The following VTCN1 variants were observed in gnomAD, a reference collection of about 807,000 sequenced individuals.
VTCN1 encodes V-set domain-containing T-cell activation inhibitor 1.
A neutral mutation model predicts 26.5 loss-of-function variants in VTCN1; 26 were observed. The observed-to-expected ratio is 0.98, with a 90% confidence interval of 0.72 to 1.36. The LOEUF is 1.36. Among genes scored for constraint, VTCN1 ranks in the 40% most tolerant of loss-of-function variants. The pLI is 0.00. For missense variants in VTCN1, 298 were observed against 337.7 expected (o/e 0.88, Z 0.92); for synonymous variants, 116 against 130.7 (o/e 0.89, Z 0.77).
chr1:117,149,801 C>T (rs113375510), intron 4 of VTCN1, among the ~76,000 whole-genome samples: 1 of 152,166 alleles, frequency 6.6e-6, no homozygotes, highest in African/African-American at 2.4e-5. Flanking sequence ...ATATGTAAAT[C>T]CCATGGCCCT....
At chr1:117,151,476 T>C (rs926368478) in intron 4 of VTCN1, among the ~76,000 whole-genome samples, 1 of 152,174 alleles carries the variant, frequency 6.6e-6, no homozygotes. Context: ...ACCGGGTTGC[T>C]GCTGCTGGCT....
rs1302314765 is a variant in VTCN1 at position 117,146,745 on chromosome 1, T to G, written c.*45+868A>C. On this transcript the variant is annotated intron_variant, in intron 5 of 5. Transcript: ENST00000369458. The surrounding 1 kb of genome is among the most constrained non-coding windows in gnomAD (Gnocchi z 4.2). ...TGTGACTTTGACTTCGATATAGTTA[T>G]GCCCAGAGAGTCACTTTAGGCTCTG... 6.6e-6 allele frequency among the ~76,000 whole-genome samples: 1 copy of G among 152,164 alleles called. No homozygotes were observed. Among genetic ancestry groups the G allele is most frequent in the Admixed American group, 6.5e-5 (1 of 15,272 alleles).
intron 1 of VTCN1, among the ~76,000 whole-genome samples, chr1:117,203,365 A>G (rs1329879376): frequency 6.6e-6 from 1 of 152,148 alleles, no homozygotes; most frequent in African/African-American, 2.4e-5. Flanking sequence ...GAGCTACAAG[A>G]GACAATTCCT....
At chr1:117,196,408 A>G (rs1397974504) in intron 1 of VTCN1, among the ~76,000 whole-genome samples, 1 of 149,262 alleles carries the variant, frequency 6.7e-6, no homozygotes, top group African/African-American at 2.5e-5. Flanking sequence ...ATATATAGAG[A>G]GAGAGAGAGA....
intron 4 of VTCN1, among the ~76,000 whole-genome samples, chr1:117,151,317 T>C (rs1017556589): frequency 2.6e-5 from 4 of 152,102 alleles, no homozygotes; most frequent in Admixed American, 6.6e-5. Flanking sequence ...AGTGGGTTTG[T>C]GGTCTCACTG....
Position 117,147,185 on chromosome 1 carries a change from G to T in VTCN1, c.*45+428C>A, listed in dbSNP as rs1273362338. Among the ~76,000 whole-genome samples, 2 of 152,142 alleles carry T rather than the reference G, an allele frequency of 1.3e-5. No homozygotes were observed. Among genetic ancestry groups the T allele is most frequent in the Non-Finnish European group, 1.5e-5 (1 of 68,022 alleles). ...AGTGAGAAGGAAATCTCAGCAGGAG[G>T]GCTAGTTGGTGAGTCATCTGCCAAC... On this transcript the variant is annotated intron_variant, in intron 5 of 5. Transcript: ENST00000369458. The surrounding 1 kb of genome is among the most constrained non-coding windows in gnomAD (Gnocchi z 4.6).
At chr1:117,189,359 A>C (rs1300919618) in intron 1 of VTCN1, among the ~76,000 whole-genome samples, 1 of 152,070 alleles carries the variant, frequency 6.6e-6, no homozygotes, top group African/African-American at 2.4e-5. Flanking sequence ...CGTAATTGTG[A>C]GTTGGAGAAT....
Position 117,209,489 on chromosome 1 carries a change from C to T in VTCN1, c.32+1335G>A, listed in dbSNP as rs148815260. The stretch of plus-strand genomic sequence containing the variant: ...ATGCACAGTTTCACAGTCATCTGGC[C>T]TTAACTTCTCTGAGGTGATAACGAG... On this transcript the variant is annotated intron_variant, in intron 1 of 5. Transcript: ENST00000369458. 2.2e-3 allele frequency among the ~76,000 whole-genome samples: 331 copies of T among 152,286 alleles called. 5 individuals are homozygous for T. Among genetic ancestry groups the T allele is most frequent in the African/African-American group, 7.7e-3 (322 of 41,552 alleles).
intron 1 of VTCN1, among the ~76,000 whole-genome samples, chr1:117,171,079 C>T (rs1652892609): frequency 6.6e-6 from 1 of 151,874 alleles, no homozygotes; most frequent in African/African-American, 2.4e-5. Flanking sequence ...GTTCAACTCC[C>T]ACTTATGAGT....
intron 1 of VTCN1, among the ~76,000 whole-genome samples, chr1:117,181,435 C>T (rs935402604): frequency 1.3e-5 from 2 of 152,202 alleles, no homozygotes; most frequent in Non-Finnish European, 2.9e-5. Flanking sequence ...ATTTTTCTAA[C>T]CCTTCTCCCT....
intron 1 of VTCN1, among the ~76,000 whole-genome samples, chr1:117,193,526 G>T (rs1648353231): frequency 6.6e-6 from 1 of 151,916 alleles, no homozygotes; most frequent in Non-Finnish European, 1.5e-5. Flanking sequence ...AATGACAAAG[G>T]GGTCAATTCA....
chr1:117,170,017 C>T (rs1652819405), intron 2 of VTCN1, 90 bp downstream of exon 2: 3 of 1,270,982 alleles, frequency 2.4e-6, no homozygotes, highest in Non-Finnish European at 3.4e-6. Flanking sequence ...TGGGTCAAAG[C>T]TCTGGGCTCT....
At chr1:117,151,660 G>A (rs1451820089) in intron 4 of VTCN1, among the ~76,000 whole-genome samples, 4 of 151,878 alleles carry the variant, frequency 2.6e-5, no homozygotes, top group African/African-American at 9.7e-5. Context: ...TGGTGCATTT[G>A]CAATCCTCTA....
chr1:117,163,152 A>T (rs1250485444), intron 2 of VTCN1, among the ~76,000 whole-genome samples: 1 of 152,212 alleles, frequency 6.6e-6, no homozygotes, highest in East Asian at 1.9e-4. Flanking sequence ...TGCTTCCGTG[A>T]GAAGAAATTT....
chr1:117,166,278 T>C (rs1652603929), intron 2 of VTCN1, among the ~76,000 whole-genome samples: 1 of 152,174 alleles, frequency 6.6e-6, no homozygotes, highest in Non-Finnish European at 1.5e-5. Context: ...AAATTCTTGC[T>C]AGGAGAGTCA....
intron 2 of VTCN1, among the ~76,000 whole-genome samples, chr1:117,160,615 C>A (rs1247752156): frequency 1.3e-5 from 2 of 152,220 alleles, no homozygotes; most frequent in South Asian, 4.1e-4. Flanking sequence ...GTCTTTGCAG[C>A]CTTCTCTCCA....
chr1:117,172,168 C>T (rs766666821), intron 1 of VTCN1, among the ~76,000 whole-genome samples: 1 of 152,166 alleles, frequency 6.6e-6, no homozygotes, highest in African/African-American at 2.4e-5. Context: ...AGGCAAAGAA[C>T]GATGCTATAG....
At chr1:117,192,465 T>C (rs1648293069) in intron 1 of VTCN1, among the ~76,000 whole-genome samples, 1 of 152,170 alleles carries the variant, frequency 6.6e-6, no homozygotes, top group Admixed American at 6.6e-5. Context: ...TAAAATTCAC[T>C]GGAAAAAGTA....
intron 1 of VTCN1, chr1:117,203,893 C>T (rs1648915195): frequency 5.4e-6 from 3 of 555,034 alleles, no homozygotes; most frequent in Non-Finnish European, 4.6e-6. Flanking sequence ...AAATTTGCAT[C>T]TCTAATAGTT....
Sources: allele counts gnomAD v4.1 joint callset (sites outside exome capture counted in the v4.1 genomes callset), GRCh38; gene constraint gnomAD v4.1.1; non-coding constraint Gnocchi (gnomAD v3.1); transcripts MANE v1.5; gene names NCBI Gene and HGNC (gene_info 2026-07-23, HGNC 2026-07-21).